Variants in INTS4 observed in about 807,000 individuals in gnomAD.
The protein encoded by INTS4 is integrator complex subunit 4, also known as MSTP093.
In INTS4, 70 loss-of-function variants were observed where a neutral mutation model predicts 119.5. That is an observed-to-expected ratio of 0.59 (90% confidence interval 0.48 to 0.71). The LOEUF (loss-of-function observed/expected upper bound fraction) is 0.71. Ranked by LOEUF, INTS4 falls within the 30% of genes least tolerant of loss-of-function variation. The pLI is 0.00. For missense variants in INTS4, 867 were observed against 1,173.2 expected (o/e 0.74, Z 3.81); for synonymous variants, 316 against 419.6 (o/e 0.75, Z 3.02).
chr11:77,914,034 AC>A (rs1210764737), intron 15 of INTS4, among the ~76,000 whole-genome samples: 1 of 152,226 alleles, frequency 6.6e-6, no homozygotes, highest in Non-Finnish European at 1.5e-5. Context: ...ACAAAGCTGA[AC>A]TCAAATCCTG....
At chr11:77,891,135 G>A (rs577690220) in intron 21 of INTS4, among the ~76,000 whole-genome samples, 184 bp downstream of exon 21, 3 of 152,180 alleles carry the variant, frequency 2.0e-5, no homozygotes, top group African/African-American at 4.8e-5. Flanking sequence ...AGAGTTTAAA[G>A]TAACTTGCTC....
At position 77,933,643 on chromosome 11, in the gene INTS4, C is replaced by CA. The variant is rs532851493; in HGVS notation, c.1165+5007dup. Reference sequence around the variant, plus strand: ...GAGATTGCAGCCTCTGCCCGGCCGCCACCCCGTCTGGGAAGTGAAGAGCGT... The same window carrying CA: ...GAGATTGCAGCCTCTGCCCGGCCGCCAACCCCGTCTGGGAAGTGAAGAGCGT... On this transcript the variant is annotated intron_variant, in intron 10 of 22. Coordinates refer to ENST00000534064, the MANE Select transcript of INTS4 (RefSeq NM_033547.4). Among the ~76,000 whole-genome samples the CA allele has an allele frequency of 1.2e-4, 18 of 152,238 alleles. 1 individual carries two copies. The South Asian group carries it at 3.5e-3, about 30-fold the overall frequency.
intron 10 of INTS4, among the ~76,000 whole-genome samples, chr11:77,935,507 G>A (rs1454747741): frequency 1.3e-5 from 2 of 152,154 alleles, no homozygotes; most frequent in Non-Finnish European, 2.9e-5. Context: ...CTGTGAGACA[G>A]AGACCATCTG....
chr11:77,924,745 A>G lies in INTS4; in HGVS notation c.1514+5T>C, dbSNP rs1056401149. ...CAGTGAGTAAATGGGCAAAAAAGTCATTACTTCCATATGGAGTCCCTATCA... is the reference window on the plus strand; with the variant it reads ...CAGTGAGTAAATGGGCAAAAAAGTCGTTACTTCCATATGGAGTCCCTATCA... On this transcript the variant is annotated splice_donor_5th_base_variant and intron_variant, in intron 12 of 22. Coordinates refer to ENST00000534064, the MANE Select transcript of INTS4 (RefSeq NM_033547.4). 9 of 1,605,774 alleles carry G rather than the reference A, an allele frequency of 5.6e-6. No homozygotes were observed. Among genetic ancestry groups the G allele is most frequent in the Non-Finnish European group, 7.7e-6 (9 of 1,173,524 alleles).
chr11:77,879,173 G>A, intron 22 of INTS4, 46 bp from the exon 23 acceptor site: 2 of 1,598,920 alleles, frequency 1.3e-6, no homozygotes, highest in South Asian at 2.2e-5. Flanking sequence ...GCAACTGCTA[G>A]GAATGAGGAT....
At chr11:77,886,952 T>C (rs1952041272) in intron 21 of INTS4, among the ~76,000 whole-genome samples, 1 of 151,332 alleles carries the variant, frequency 6.6e-6, no homozygotes, top group South Asian at 2.1e-4. Context: ...CAAAGCAGTG[T>C]GTAGAGGGAA....
Position 77,955,986 on chromosome 11 carries a change from T to C in INTS4, c.874A>G (p.Ser292Gly). 1 of 1,611,470 alleles carries C rather than the reference T, an allele frequency of 6.2e-7. No individual in the cohort carries two copies. The highest frequency in any genetic ancestry group is 8.5e-7 in the Non-Finnish European group (1 of 1,179,768). ...DAFGKICHMV[S>G]DGSWVVRVQA... ...ACACGAACCACCCAAGAGCCATCAC[T>C]GACCATGTGACAAATTTTGCCAAAC... Residue 292 changes from serine (S) to glycine (G), a missense_variant, in exon 8 of 23, where the codon AGT becomes GGT. Around this residue, in one of 5 missense-constraint regions of INTS4, gnomAD observed 208 missense variants for 306.6 expected, o/e 0.68. Coordinates refer to ENST00000534064, the MANE Select transcript of INTS4 (RefSeq NM_033547.4).
downstream of INTS4, chr11:77,876,906 G>A (rs1191389414): frequency 8.6e-6 from 6 of 698,002 alleles, no homozygotes; most frequent in South Asian, 1.5e-5. Context: ...ATTACAGCAC[G>A]ATGGGCTCAG....
intron 4 of INTS4, among the ~76,000 whole-genome samples, chr11:77,964,053 C>G (rs1855374727): frequency 6.6e-6 from 1 of 152,126 alleles, no homozygotes; most frequent in South Asian, 2.1e-4. Flanking sequence ...GGAAAGAAAG[C>G]AGAAGACCCT....
chr11:77,891,909 A>G (rs1454321782), intron 19 of INTS4, 69 bp from the exon 20 acceptor site: 2 of 1,599,792 alleles, frequency 1.3e-6, no homozygotes, highest in East Asian at 2.2e-5. Context: ...TGGGCCCCAG[A>G]CACCTATCAA....
At chr11:77,938,089 C>T (rs1443600872) in intron 10 of INTS4, among the ~76,000 whole-genome samples, 2 of 151,830 alleles carry the variant, frequency 1.3e-5, no homozygotes, top group African/African-American at 2.4e-5. Flanking sequence ...TCAAGTGATC[C>T]TCCAGCCTCA....
chr11:77,984,837 C>T (rs1856388246), intron 2 of INTS4, among the ~76,000 whole-genome samples: 1 of 147,476 alleles, frequency 6.8e-6, no homozygotes, highest in Non-Finnish European at 1.5e-5. Context: ...GATAGCACCA[C>T]TGCACTCCAG....
chr11:77,908,068 G>GTATTA (rs1953004053), intron 15 of INTS4, among the ~76,000 whole-genome samples: 1 of 43,680 alleles, frequency 2.3e-5, no homozygotes, highest in African/African-American at 9.7e-5. Flanking sequence ...TTGATTCATA[G>GTATTA]CTTTACACTG....
At chr11:77,979,661 T>C (rs1236791011) in intron 3 of INTS4, among the ~76,000 whole-genome samples, 1 of 149,742 alleles carries the variant, frequency 6.7e-6, no homozygotes, top group Non-Finnish European at 1.5e-5. Context: ...ATTCAAGAGT[T>C]TTTTCACACT....
intron 1 of INTS4, among the ~76,000 whole-genome samples, chr11:77,992,212 A>G (rs946284380): frequency 6.6e-6 from 1 of 151,906 alleles, no homozygotes; most frequent in African/African-American, 2.4e-5. Context: ...AGCCTGGCCA[A>G]CATGGCAAAA....
intron 21 of INTS4, among the ~76,000 whole-genome samples, chr11:77,885,404 C>G (rs1951962194): frequency 6.6e-6 from 1 of 152,012 alleles, no homozygotes; most frequent in South Asian, 2.1e-4. Context: ...GCTGCTACTC[C>G]CCACTCTAGT....
intron 4 of INTS4, among the ~76,000 whole-genome samples, chr11:77,968,485 C>A (rs753838704): frequency 6.6e-6 from 1 of 151,978 alleles, no homozygotes; most frequent in African/African-American, 2.4e-5. Flanking sequence ...TTGTTAGGGA[C>A]GAGGGGATGG....
chr11:77,954,152 A>G (rs1428794854), intron 8 of INTS4, among the ~76,000 whole-genome samples: 3 of 152,208 alleles, frequency 2.0e-5, no homozygotes, highest in African/African-American at 4.8e-5. Context: ...AGAAAACAGA[A>G]AAGTACCAAG....
chr11:77,878,990 G>C lies in INTS4; in HGVS notation c.2851C>G (p.Pro951Ala), dbSNP rs188994465. Residue 951 changes from proline to alanine, a missense_variant, in exon 23 of 23, where the codon CCT becomes GCT. Around this residue, in one of 5 missense-constraint regions of INTS4, gnomAD observed 122 missense variants for 133.2 expected, o/e 0.92. Coordinates refer to ENST00000534064, the MANE Select transcript of INTS4 (RefSeq NM_033547.4). ...TTGGGCATTATATAAACTTTTACAGGCTTGCTGAAGGGAATGGTGCCCTCG... is the reference window on the plus strand; with the variant it reads ...TTGGGCATTATATAAACTTTTACAGCCTTGCTGAAGGGAATGGTGCCCTCG... ...SIEGTIPFSK[P>A]VKVYIMPKPA... 24 of 1,614,080 alleles carry C rather than the reference G, an allele frequency of 1.5e-5. No individual in the cohort carries two copies. In the African/African-American group the frequency reaches 2.8e-4, roughly 19 times the overall value.
Sources: gnomAD v4.1 joint callset for allele counts (sites outside exome capture counted in the v4.1 genomes callset) on GRCh38, gnomAD v4.1.1 for gene constraint, gnomAD v4.1.1 regional missense constraint, MANE v1.5 for transcripts, NCBI Gene and HGNC (gene_info 2026-07-23, HGNC 2026-07-21) for gene names.